The following SAMHD1 variants were observed in gnomAD, a reference collection of about 807,000 sequenced individuals.
The protein encoded by SAMHD1 is SAM and HD domain containing deoxynucleoside triphosphate triphosphohydrolase 1.
In SAMHD1, 54 loss-of-function variants were observed where a neutral mutation model predicts 79.6. The observed-to-expected ratio is 0.68, with a 90% CI of 0.55 to 0.85. The LOEUF is 0.85. SAMHD1 is among the 40% of genes least tolerant of loss of function. The pLI is 0.00. For missense variants in SAMHD1, 663 were observed against 782.7 expected, an observed-to-expected ratio of 0.85 and a Z score of 1.82; for synonymous variants, 260 against 264.1, an observed-to-expected ratio of 0.98 and a Z score of 0.15.
chr20:36,899,411 GA>G (rs1449859645), intron 13 of SAMHD1, among the ~76,000 whole-genome samples: 2 of 152,210 alleles, frequency 1.3e-5, no homozygotes, highest in African/African-American at 4.8e-5. Flanking sequence ...CTAGGCAACA[GA>G]GCAAGACTCT....
At chr20:36,944,032 C>A (rs1485732611) in intron 2 of SAMHD1, among the ~76,000 whole-genome samples, 1 of 137,042 alleles carries the variant, frequency 7.3e-6, no homozygotes, top group Non-Finnish European at 1.5e-5. Flanking sequence ...GAGCCGAGAT[C>A]ACGCCACTGC....
Position 36,951,649 on chromosome 20 carries a change from C to A in SAMHD1, c.-6G>T. ...TCGGAATCGGCTCGCTGCATGGCTA[C>A]ACCTGGCGTCCGGCACAGCAGTCAA... is the stretch of plus-strand genomic sequence containing the variant. On this transcript the variant is annotated 5_prime_UTR_variant, in exon 1 of 16. Coordinates refer to ENST00000646673, the MANE Select transcript of SAMHD1 (RefSeq NM_015474.4). 1 of 1,613,030 alleles carries A rather than the reference C, an allele frequency of 6.2e-7. No individual in the cohort carries two copies. The highest frequency in any genetic ancestry group is 8.5e-7 in the Non-Finnish European group (1 of 1,179,978).
intron 9 of SAMHD1, among the ~76,000 whole-genome samples, chr20:36,916,152 C>G (rs1241459371): frequency 6.6e-6 from 1 of 150,940 alleles, no homozygotes; most frequent in Non-Finnish European, 1.5e-5. Flanking sequence ...CTGAGCGAGA[C>G]TCCGTCTCAA....
At chr20:36,942,311 G>A (rs775435825) in intron 2 of SAMHD1, among the ~76,000 whole-genome samples, 10 of 152,088 alleles carry the variant, frequency 6.6e-5, no homozygotes, top group Non-Finnish European at 1.2e-4. Context: ...CCAGCTACTC[G>A]GGAGGCTGAG....
chr20:36,942,853 T>C (rs988254699), intron 2 of SAMHD1, among the ~76,000 whole-genome samples: 8 of 152,236 alleles, frequency 5.3e-5, no homozygotes, highest in African/African-American at 1.9e-4. Flanking sequence ...AGACAGGGTT[T>C]CACCATGTTA....
In SAMHD1 at chr20:36,909,332, C is replaced by T. The variant is rs572032729; in HGVS notation, c.1270+1886G>A. Among the ~76,000 whole-genome samples, 205 of 152,070 alleles carry T rather than the reference C, an allele frequency of 1.3e-3. 2 individuals are homozygous for T. The highest frequency in any genetic ancestry group is 2.4e-3 in the Non-Finnish European group (163 of 67,988). ...CTCTGACTGGTGTACACTTTTTGTTCTACTTCTTTTGCTTTATCTCAGTCA... is the reference window on the plus strand; with the variant it reads ...CTCTGACTGGTGTACACTTTTTGTTTTACTTCTTTTGCTTTATCTCAGTCA... On this transcript the variant is annotated intron_variant, in intron 11 of 15. Transcript: ENST00000646673.
At chr20:36,913,276 C>T (rs1292883180) in intron 9 of SAMHD1, among the ~76,000 whole-genome samples, 5 of 150,728 alleles carry the variant, frequency 3.3e-5, no homozygotes, top group African/African-American at 9.7e-5. Context: ...GGATTACAGG[C>T]GTGAGCCACT....
chr20:36,916,515 C>A (rs2063476804), intron 9 of SAMHD1: 1 of 507,336 alleles, frequency 2.0e-6, no homozygotes, highest in African/African-American at 2.0e-5. Flanking sequence ...AAACCAGTGT[C>A]TAACTCAAAA....
At position 36,916,856 on chromosome 20, in the gene SAMHD1, T is replaced by A. The variant is rs192191871; in HGVS notation, c.954-26A>T. ...CTAGAAGGATTCCAAAACAGAGAGA[T>A]GAAATTTTTCAACAAGGAAGCTGTA... On this transcript the variant is annotated intron_variant, in intron 8 of 15. Coordinates refer to ENST00000646673, the MANE Select transcript of SAMHD1 (RefSeq NM_015474.4). The A allele has an allele frequency of 3.0e-4, 487 of 1,604,828 alleles. 6 individuals are homozygous for A. In the South Asian group the frequency reaches 3.1e-3, roughly 10 times the overall value.
At position 36,911,646 on chromosome 20, in the gene SAMHD1, A is replaced by T. The variant is rs568689728; in HGVS notation, c.1155-313T>A. 7.0e-5 allele frequency: 20 copies of T among 286,086 alleles called. No homozygotes were observed. In the South Asian group the frequency reaches 8.3e-4, roughly 12 times the overall value. The allele number at this position is 286,086 out of a possible 1,614,324, so 17.7% of individuals were successfully genotyped here. ...AAATTTTGATTTAACCAAGTTAGGAAGAAACAGTGCCAGGCTTTGAAACTA... is the reference window on the plus strand; with the variant it reads ...AAATTTTGATTTAACCAAGTTAGGATGAAACAGTGCCAGGCTTTGAAACTA... On this transcript the variant is annotated intron_variant, in intron 10 of 15. Coordinates refer to ENST00000646673, the MANE Select transcript of SAMHD1 (RefSeq NM_015474.4).
rs192762525 is a variant in SAMHD1 at position 36,943,748 on chromosome 20, G to A, written c.276-2637C>T. 1.6e-3 allele frequency among the ~76,000 whole-genome samples: 245 copies of A among 152,240 alleles called. 1 individual carries two copies. The highest frequency in any genetic ancestry group is 2.6e-3 in the Non-Finnish European group (176 of 68,016). On this transcript the variant is annotated intron_variant, in intron 2 of 15. Coordinates refer to ENST00000646673, the MANE Select transcript of SAMHD1 (RefSeq NM_015474.4). ...TTATGTACAAGAAACAAGTAGTAAA[G>A]GGGACTTTGAGAGGACTGAGAGGGC...
Position 36,944,077 on chromosome 20 carries a change from C to CAAAAAAAAAAA in SAMHD1, c.275+2650_275+2660dup, listed in dbSNP as rs542947370. Among the ~76,000 whole-genome samples the CAAAAAAAAAAA allele has an allele frequency of 3.1e-4, 28 of 89,996 alleles. 1 individual carries two copies. The highest frequency in any genetic ancestry group is 1.1e-3 in the African/African-American group (27 of 24,196). 59.0% of individuals were successfully genotyped at this position (89,996 alleles called of 152,430 possible). On this transcript the variant is annotated intron_variant, in intron 2 of 15. Transcript: ENST00000646673. ...TGAGTGACAGAGCAAGACTCCATCT[C>CAAAAAAAAAAA]AAAAAAAAAAAAAAAAAAAAGAACT...
rs780159863 is a variant in SAMHD1 at position 36,941,099 on chromosome 20, C to T, written c.288G>A (p.Glu96=). ...FENLGVSSLG[E]RKKLLSYIQR... is the part of the protein sequence containing the mutation. ...GGATATAACTAAGCAGCTTCTTCCT[C>T]TCCCCCAAGGAACTAAAATTACAAT... Residue 96 remains glutamate, a synonymous_variant, in exon 3 of 16, where the codon GAG becomes GAA. Coordinates refer to ENST00000646673, the MANE Select transcript of SAMHD1 (RefSeq NM_015474.4). 5 of 1,612,406 alleles carry T rather than the reference C, an allele frequency of 3.1e-6. No homozygotes were observed. The highest frequency in any genetic ancestry group is 4.2e-6 in the Non-Finnish European group (5 of 1,178,640).
In SAMHD1 at chr20:36,935,145, G is replaced by A. The variant is rs2146137613; in HGVS notation, c.393C>T (p.Leu131=). 2 of 1,613,756 alleles carry A rather than the reference G, an allele frequency of 1.2e-6. No homozygotes were observed. The highest frequency in any genetic ancestry group is 1.1e-5 in the South Asian group (1 of 91,066). ...PIHGHIELHP[L]LVRIIDTPQF... ...GAGGTGTATCAATGATTCGGACGAG[G>A]AGAGGGTGGAGCTCAATGTGGCCAT... Residue 131 remains leucine, a synonymous_variant, in exon 4 of 16, where the codon CTC becomes CTT. Coordinates refer to ENST00000646673, the MANE Select transcript of SAMHD1 (RefSeq NM_015474.4).
rs147806727 is a variant in SAMHD1, at chr20:36,921,207, A to G, written c.697-1688T>C. Among the ~76,000 whole-genome samples, 44 of 152,146 alleles carry G rather than the reference A, an allele frequency of 2.9e-4. No individual in the cohort carries two copies. The East Asian group carries it at 8.1e-3, about 28-fold the overall frequency. On this transcript the variant is annotated intron_variant, in intron 6 of 15. Coordinates refer to ENST00000646673, the MANE Select transcript of SAMHD1 (RefSeq NM_015474.4). Reference sequence around the variant, plus strand: ...CAGGAGATCAAGATCATACTGGCCAACATGGTGACACCCCATCTCTACTAA... The same window carrying G: ...CAGGAGATCAAGATCATACTGGCCAGCATGGTGACACCCCATCTCTACTAA...
Position 36,911,331 on chromosome 20 carries a change from A to C in SAMHD1, c.1157T>G (p.Ile386Ser). The C allele has an allele frequency of 6.2e-7, 1 of 1,601,462 alleles. No individual in the cohort carries two copies. Among genetic ancestry groups the C allele is most frequent in the Non-Finnish European group, 8.5e-7 (1 of 1,171,382 alleles). The change falls in exon 11 of 16, where the codon ATT becomes AGT. Residue 386 changes from isoleucine to serine, a missense_variant and splice_region_variant. Physicochemically the swap from Ile to Ser is moderately radical, Grantham distance 142 (BLOSUM62 -2). Transcript: ENST00000646673. ...HKVGNIIDTM[I>S]TDAFLKADDY... ...ATCTGCTTTGAGGAAAGCATCTGTA[A>C]TCCTAAAAATCATTTTGCAAAAATT...
In SAMHD1 at chr20:36,930,783, A is replaced by T. The variant is rs138603088; in HGVS notation, c.602T>A (p.Ile201Asn). ...ISERDVLCVQ[I>N]AGLCHDLGHG... ...ACCGAGATCATGACAAAGTCCAGCAATCTGAACACAGAGAACATCTCGTTC... is the reference window on the plus strand; with the variant it reads ...ACCGAGATCATGACAAAGTCCAGCATTCTGAACACAGAGAACATCTCGTTC... Residue 201 changes from isoleucine to asparagine, a missense_variant, in exon 5 of 16, where the codon ATT (isoleucine) becomes AAT (asparagine). Coordinates refer to ENST00000646673, the MANE Select transcript of SAMHD1 (RefSeq NM_015474.4). 1.3e-4 allele frequency: 213 copies of T among 1,613,372 alleles called. No homozygotes were observed. The highest frequency in any genetic ancestry group is 1.8e-4 in the Non-Finnish European group (212 of 1,179,498).
At chr20:36,897,453 A>G in intron 15 of SAMHD1, 1 of 320,702 alleles carries the variant, frequency 3.1e-6, no homozygotes, top group South Asian at 2.9e-5. Context: ...AGAAACATGA[A>G]GTCTATTATC....
At chr20:36,914,069 T>C (rs2063461042) in intron 9 of SAMHD1, among the ~76,000 whole-genome samples, 1 of 150,940 alleles carries the variant, frequency 6.6e-6, no homozygotes, top group Admixed American at 6.6e-5. Flanking sequence ...TGACTTTCTA[T>C]AGTATAGTAC....
Sources: gnomAD v4.1 joint callset for allele counts (sites outside exome capture counted in the v4.1 genomes callset) on GRCh38, gnomAD v4.1.1 for gene constraint, MANE v1.5 for transcripts, NCBI Gene and HGNC (gene_info 2026-07-23, HGNC 2026-07-21) for gene names.